Variants in AUTS2 observed in about 807,000 individuals in gnomAD.
AUTS2 encodes the protein autism susceptibility gene 2 protein.
A neutral mutation model predicts 112.4 loss-of-function variants in AUTS2; 17 were observed. The observed-to-expected ratio is 0.15, with a 90% CI of 0.10 to 0.23. AUTS2 has a LOEUF of 0.23. Among genes scored for constraint, AUTS2 ranks in the 10% least tolerant of loss-of-function variants. AUTS2 has a pLI of 1.00. For missense variants in AUTS2, 1,510 were observed against 1,701.6 expected (o/e 0.89, Z 1.98); for synonymous variants, 751 against 702.7 (o/e 1.07, Z -1.09).
intron 5 of AUTS2, among the ~76,000 whole-genome samples, chr7:70,667,861 C>A (rs547925605): frequency 6.6e-6 from 1 of 152,226 alleles, no homozygotes; most frequent in African/African-American, 2.4e-5. Flanking sequence ...GCCACCATTG[C>A]GGTCTTTGGA....
At chr7:70,661,902 A>T (rs1159569481) in intron 5 of AUTS2, among the ~76,000 whole-genome samples, 1 of 152,086 alleles carries the variant, frequency 6.6e-6, no homozygotes, top group East Asian at 1.9e-4. Context: ...CATGAATAAA[A>T]CTTAGAATAC....
At chr7:70,221,108 A>C (rs940524) in intron 4 of AUTS2, among the ~76,000 whole-genome samples, 2,180 of 152,234 alleles carry the variant, frequency 0.014, 29 homozygotes, top group Non-Finnish European at 0.02. Context: ...AAGTCTCACT[A>C]TGTTGCCCAG....
intron 5 of AUTS2, among the ~76,000 whole-genome samples, chr7:70,539,717 G>A (rs1276739420): frequency 2.6e-5 from 4 of 152,072 alleles, no homozygotes; most frequent in Admixed American, 1.3e-4. Flanking sequence ...TGCGAATCGC[G>A]AGGCTCCAGA....
intron 2 of AUTS2, among the ~76,000 whole-genome samples, chr7:70,010,556 T>A (rs1312322653): frequency 2.6e-5 from 4 of 152,170 alleles, no homozygotes; most frequent in Non-Finnish European, 4.4e-5. Flanking sequence ...TGAGTGACTG[T>A]GATGAGCCGA....
intron 5 of AUTS2, among the ~76,000 whole-genome samples, chr7:70,643,400 G>A (rs140161119): frequency 0.016 from 2,450 of 152,202 alleles, 20 homozygotes; most frequent in Middle Eastern, 0.024. Context: ...GTGAAACCCC[G>A]TCTCTACTAA....
intron 2 of AUTS2, among the ~76,000 whole-genome samples, chr7:70,097,217 A>G (rs1484412727): frequency 1.3e-5 from 2 of 152,212 alleles, no homozygotes; most frequent in Non-Finnish European, 2.9e-5. Context: ...GTGGGGAAAA[A>G]TCAGTATGAA....
intron 4 of AUTS2, among the ~76,000 whole-genome samples, chr7:70,363,632 G>A (rs980072927): frequency 2.0e-5 from 3 of 151,736 alleles, no homozygotes; most frequent in East Asian, 1.9e-4. Context: ...ATAACTCAAC[G>A]GGTATTTATA....
At chr7:69,684,748 A>AC (rs1232606491) in intron 1 of AUTS2, among the ~76,000 whole-genome samples, 1 of 152,256 alleles carries the variant, frequency 6.6e-6, no homozygotes, top group Non-Finnish European at 1.5e-5. Flanking sequence ...TTTAGGAAGG[A>AC]CATGAGAGTC....
chr7:70,493,044 CTGATAATTATTTTTT>C (rs2116452548), intron 5 of AUTS2, among the ~76,000 whole-genome samples: 1 of 152,248 alleles, frequency 6.6e-6, no homozygotes, highest in African/African-American at 2.4e-5. Context: ...GAACTTGCCA[CTGATAATTATTTTTT>C]TAAAAAGCTC....
At chr7:69,667,330 T>C (rs1258721603) in intron 1 of AUTS2, among the ~76,000 whole-genome samples, 1 of 149,342 alleles carries the variant, frequency 6.7e-6, no homozygotes, top group Non-Finnish European at 1.5e-5. Context: ...AGTGCCAAAA[T>C]CAAGCTTTTG....
chr7:69,810,840 C>T (rs1261949667), intron 1 of AUTS2, among the ~76,000 whole-genome samples: 2 of 152,110 alleles, frequency 1.3e-5, no homozygotes, highest in Non-Finnish European at 1.5e-5. Flanking sequence ...TTTTTGAGAG[C>T]TTTTTAAAGA....
chr7:69,803,187 C>T (rs1472294785), intron 1 of AUTS2, among the ~76,000 whole-genome samples: 2 of 152,148 alleles, frequency 1.3e-5, no homozygotes, highest in Admixed American at 1.3e-4. Flanking sequence ...CATAGTCTTC[C>T]TGAAGGAATT....
intron 2 of AUTS2, among the ~76,000 whole-genome samples, chr7:70,069,008 A>C (rs532059869): frequency 2.0e-5 from 3 of 152,346 alleles, no homozygotes; most frequent in East Asian, 3.9e-4. Flanking sequence ...ATGCGTCCAT[A>C]TAATTTTCTA....
chr7:70,389,966 A>G (rs1158715671), intron 4 of AUTS2, among the ~76,000 whole-genome samples: 1 of 152,200 alleles, frequency 6.6e-6, no homozygotes, highest in African/African-American at 2.4e-5. Flanking sequence ...AGACACAGAC[A>G]TGCATATTTT....
chr7:70,668,840 A>G (rs760564176), intron 5 of AUTS2, among the ~76,000 whole-genome samples: 1 of 152,192 alleles, frequency 6.6e-6, no homozygotes, highest in Non-Finnish European at 1.5e-5. Context: ...AGCCTGTGGA[A>G]TGCCTCAGCG....
chr7:70,104,791 CT>C (rs991815188), intron 2 of AUTS2, among the ~76,000 whole-genome samples: 1 of 151,192 alleles, frequency 6.6e-6, no homozygotes, highest in Non-Finnish European at 1.5e-5. Context: ...TGAAGTATGT[CT>C]TTTTTTTTCT....
intron 4 of AUTS2, among the ~76,000 whole-genome samples, chr7:70,161,208 T>C (rs1808058116): frequency 6.6e-6 from 1 of 152,124 alleles, no homozygotes; most frequent in Non-Finnish European, 1.5e-5. Flanking sequence ...TGACTTCCCC[T>C]GTGGGGACAT....
At chr7:70,381,238 A>G (rs1411644479) in intron 4 of AUTS2, among the ~76,000 whole-genome samples, 1 of 152,230 alleles carries the variant, frequency 6.6e-6, no homozygotes, top group East Asian at 1.9e-4. Context: ...AGGGATAATG[A>G]TAGCCCAAGT....
intron 1 of AUTS2, among the ~76,000 whole-genome samples, chr7:69,682,187 T>C (rs1796827125): frequency 6.6e-6 from 1 of 152,356 alleles, no homozygotes; most frequent in South Asian, 2.1e-4. Context: ...TGGGTAGCTT[T>C]AGACTTTCTG....
Sources: allele counts gnomAD v4.1 joint callset (sites outside exome capture counted in the v4.1 genomes callset), GRCh38; gene constraint gnomAD v4.1.1; transcripts MANE v1.5; gene names NCBI Gene and HGNC (gene_info 2026-07-23, HGNC 2026-07-21).